STXBP4: variants seen among roughly 807,000 people sequenced by gnomAD.
STXBP4 encodes the protein syntaxin-binding protein 4.
In STXBP4, 55 loss-of-function variants were observed where a neutral mutation model predicts 76.1. That is an observed-to-expected ratio of 0.72 (90% CI 0.58 to 0.91). STXBP4 has a LOEUF of 0.91. Ranked by LOEUF, STXBP4 falls within the 40% of genes least tolerant of loss-of-function variation. The pLI, the probability that STXBP4 is intolerant of heterozygous loss-of-function variation, is 0.00. For missense variants in STXBP4, 618 were observed against 636.9 expected, an observed-to-expected ratio of 0.97 and a Z score of 0.32; for synonymous variants, 201 against 220.2, an observed-to-expected ratio of 0.91 and a Z score of 0.77.
Position 55,000,810 on chromosome 17 carries a change from A to G in STXBP4, c.501A>G (p.Ile167Met). 1.2e-6 allele frequency: 2 copies of G among 1,606,574 alleles called. No individual in the cohort carries two copies. The highest frequency in any genetic ancestry group is 1.7e-6 in the Non-Finnish European group (2 of 1,173,664). ...ATGTTCCTCATTTTCTTTCACAGAT[A>G]AAAACTGGATACAACAAAACAGTAC... ...TNNDILSSCE[I>M]KTGYNKTVQI... is the part of the protein sequence containing the mutation. Residue 167 changes from isoleucine (I) to methionine (M), a missense_variant and splice_region_variant, in exon 7 of 18, where the codon ATA becomes ATG. Transcript: ENST00000376352.
the STXBP4 span, among the ~76,000 whole-genome samples, chr17:55,206,592 C>A: frequency 6.6e-6 from 1 of 152,050 alleles, no homozygotes; most frequent in Non-Finnish European, 1.5e-5. Context: ...TACGGTGGCT[C>A]ATGCCTGTAA....
intron 16 of STXBP4, among the ~76,000 whole-genome samples, chr17:55,085,017 T>C (rs993478695): frequency 6.6e-6 from 1 of 152,172 alleles, no homozygotes; most frequent in Admixed American, 6.5e-5. Flanking sequence ...CACCATGGAA[T>C]ACTATGCAGC....
intron 17 of STXBP4, among the ~76,000 whole-genome samples, chr17:55,143,436 G>A (rs1347513190): frequency 6.6e-6 from 1 of 152,126 alleles, no homozygotes; most frequent in Non-Finnish European, 1.5e-5. Context: ...TTGAATGTCA[G>A]AATCTAACTA....
intron 4 of STXBP4, among the ~76,000 whole-genome samples, chr17:54,996,324 G>C (rs2077802282): frequency 6.6e-6 from 1 of 151,026 alleles, no homozygotes; most frequent in Admixed American, 6.7e-5. Flanking sequence ...CATTCTCTGA[G>C]AGTAGAATGA....
rs1173055570 is a variant in STXBP4, at chr17:55,000,963, C to T, written c.574+80C>T. The T allele has an allele frequency of 8.5e-6, 8 of 945,234 alleles. No individual in the cohort carries two copies. In the African/African-American group the frequency reaches 1.4e-4, roughly 16 times the overall value. The allele number at this position is 945,234 out of a possible 1,614,324, so 58.6% of individuals were successfully genotyped here. A position where few individuals can be genotyped will look rare whatever the true frequency, so the allele number is the denominator to read the frequency against. ...GAGGAGTGTGTAATGTGACTTAAGA[C>T]TTTGAAGAAGGGTGAATTATGTCTT... On this transcript the variant is annotated intron_variant, in intron 7 of 17. Transcript: ENST00000376352.
the STXBP4 span, among the ~76,000 whole-genome samples, chr17:55,206,877 A>G: frequency 7.4e-6 from 1 of 134,826 alleles, no homozygotes; most frequent in Non-Finnish European, 1.6e-5. Flanking sequence ...AAAAAAAAAA[A>G]GGAGGTGTCA....
At chr17:55,180,138 A>G in the STXBP4 span, among the ~76,000 whole-genome samples, 3 of 152,152 alleles carry the variant, frequency 2.0e-5, no homozygotes, top group Admixed American at 6.5e-5. Flanking sequence ...TGCCTCCTCC[A>G]TTGGGCACAA....
chr17:55,196,117 C>T, the STXBP4 span, among the ~76,000 whole-genome samples: 1 of 152,150 alleles, frequency 6.6e-6, no homozygotes, highest in Non-Finnish European at 1.5e-5. Flanking sequence ...TCTGAACCCC[C>T]TCAATATGGG....
intron 8 of STXBP4, among the ~76,000 whole-genome samples, chr17:55,020,426 T>A (rs2078289107): frequency 6.6e-6 from 1 of 150,434 alleles, no homozygotes; most frequent in African/African-American, 2.4e-5. Context: ...ATACAGTAGC[T>A]GCAGTCTTTG....
chr17:54,971,344 T>C (rs906631727), intron 1 of STXBP4, among the ~76,000 whole-genome samples: 4 of 152,234 alleles, frequency 2.6e-5, no homozygotes, highest in Non-Finnish European at 5.9e-5. Flanking sequence ...CTCAAAGTGC[T>C]GAAGGCTGGA....
intron 16 of STXBP4, among the ~76,000 whole-genome samples, chr17:55,096,523 A>G (rs1029525119): frequency 2.8e-4 from 42 of 152,258 alleles, no homozygotes; most frequent in Non-Finnish European, 3.5e-4. Context: ...TCAATCTGCT[A>G]TAAGATATCT....
rs1454235049 is a variant in STXBP4, at chr17:55,161,851, T to A, written c.*1940T>A. The A allele has an allele frequency of 6.6e-6, 1 of 152,210 alleles. No homozygotes were observed. Among genetic ancestry groups the A allele is most frequent in the Non-Finnish European group, 1.5e-5 (1 of 68,034 alleles). 9.4% of individuals were successfully genotyped at this position (152,210 alleles called of 1,614,324 possible). ...AAACTTAGTTTTAGAGAGTTAGTAA[T>A]CTTTGCCTAAGGGTCACAAAGCACC... On this transcript the variant is annotated 3_prime_UTR_variant, in exon 18 of 18. Coordinates refer to ENST00000376352, the MANE Select transcript of STXBP4 (RefSeq NM_178509.6).
intron 16 of STXBP4, among the ~76,000 whole-genome samples, chr17:55,097,053 A>G (rs2079496305): frequency 1.3e-5 from 2 of 152,066 alleles, no homozygotes; most frequent in African/African-American, 4.8e-5. Flanking sequence ...AATCTTTAAT[A>G]TTTTTTTTCT....
At chr17:55,061,499 C>T (rs886220301) in intron 12 of STXBP4, among the ~76,000 whole-genome samples, 1 of 152,126 alleles carries the variant, frequency 6.6e-6, no homozygotes, top group African/African-American at 2.4e-5. Flanking sequence ...CTTTTCTGTT[C>T]TAAAAGCATG....
rs1386951926 is a variant in STXBP4 at position 55,161,703 on chromosome 17, A to T, written c.*1792A>T. 6.6e-6 allele frequency: 1 copy of T among 152,168 alleles called. No individual in the cohort carries two copies. Among genetic ancestry groups the T allele is most frequent in the African/African-American group, 2.4e-5 (1 of 41,436 alleles). 9.4% of individuals were successfully genotyped at this position (152,168 alleles called of 1,614,324 possible). On this transcript the variant is annotated 3_prime_UTR_variant, in exon 18 of 18. Coordinates refer to ENST00000376352, the MANE Select transcript of STXBP4 (RefSeq NM_178509.6). ...GAAAAAGGCCTAAACAATTGTAATGATATTATTTATTGGGCATTTTGTGCC... is the reference window on the plus strand; with the variant it reads ...GAAAAAGGCCTAAACAATTGTAATGTTATTATTTATTGGGCATTTTGTGCC...
intron 10 of STXBP4, 141 bp downstream of exon 10, chr17:55,034,400 T>A: frequency 3.8e-6 from 2 of 521,028 alleles, no homozygotes. Flanking sequence ...CAAATCAATT[T>A]AAAATCAAAA....
chr17:55,008,848 G>GT (rs2078054400), intron 8 of STXBP4, among the ~76,000 whole-genome samples: 1 of 152,154 alleles, frequency 6.6e-6, no homozygotes, highest in South Asian at 2.1e-4. Context: ...GTGAGAGAAG[G>GT]TAAGAAAGAC....
intron 16 of STXBP4, among the ~76,000 whole-genome samples, chr17:55,133,063 T>G (rs1192508850): frequency 6.6e-6 from 1 of 152,054 alleles, no homozygotes; most frequent in Non-Finnish European, 1.5e-5. Flanking sequence ...TGACTTTTTG[T>G]TTTTTTAATG....
chr17:55,212,281 A>G, the STXBP4 span, among the ~76,000 whole-genome samples: 1 of 87,348 alleles, frequency 1.1e-5, no homozygotes, highest in African/African-American at 4.7e-5. Context: ...TGGTGTCATC[A>G]TTCATAGTCT....
Sources: gnomAD v4.1 joint callset for allele counts (sites outside exome capture counted in the v4.1 genomes callset) on GRCh38, gnomAD v4.1.1 for gene constraint, MANE v1.5 for transcripts, NCBI Gene and HGNC (gene_info 2026-07-23, HGNC 2026-07-21) for gene names.